The following S100A13 variants were observed in gnomAD, a reference collection of about 807,000 sequenced individuals.
S100A13 encodes protein S100-A13.
Under a neutral mutation model 8.2 loss-of-function variants are expected in S100A13, and 6 were observed. That is an observed-to-expected ratio of 0.73 (90% confidence interval 0.40 to 1.44). The LOEUF is 1.44. S100A13 is among the 40% of genes most tolerant of loss of function. The probability of loss-of-function intolerance (pLI) is 0.02; values close to 1 mark genes in which losing one functional copy is unlikely to be tolerated. For synonymous variants in S100A13, 39 were observed against 45.9 expected (o/e 0.85, Z 0.61); for missense variants, 114 against 113.6 (o/e 1.00, Z -0.02).
intron 2 of S100A13, among the ~76,000 whole-genome samples, chr1:153,621,159 A>ATTT (rs59588947): frequency 1.1e-4 from 16 of 142,676 alleles, no homozygotes; most frequent in African/African-American, 3.9e-4. Flanking sequence ...TATCTACAGG[A>ATTT]TTTTTTTTTT....
chr1:153,623,921 T>C (rs1667440184), intron 2 of S100A13, among the ~76,000 whole-genome samples: 2 of 152,160 alleles, frequency 1.3e-5, no homozygotes, highest in African/African-American at 4.8e-5. Context: ...GTGGATTAAC[T>C]GGGTTGAGAA....
chr1:153,628,513 A>T, upstream of S100A13: 3 of 1,550,464 alleles, frequency 1.9e-6, no homozygotes, highest in Non-Finnish European at 2.6e-6. Flanking sequence ...ACCCTGCCCC[A>T]CTGGGCTAGT....
chr1:153,626,302 T>A lies in S100A13; in HGVS notation c.153+18A>T. The A allele has an allele frequency of 6.2e-7, 1 of 1,612,418 alleles. No individual in the cohort carries two copies. Among genetic ancestry groups the A allele is most frequent in the Non-Finnish European group, 8.5e-7 (1 of 1,178,576 alleles). On this transcript the variant is annotated intron_variant, in intron 2 of 2. Coordinates refer to ENST00000476133, the MANE Select transcript of S100A13 (RefSeq NM_001024211.2). ...TAATCATCATCTCACAAAATCTCAG[T>A]CCCAGACTTCTGCCTACCTTGAGCA...
At chr1:153,632,087 G>A (rs993662190), upstream of S100A13, 139 of 523,524 alleles carry the variant, frequency 2.7e-4, no homozygotes, top group Non-Finnish European at 4.3e-4. Flanking sequence ...GAGACGTGAA[G>A]ACTGTTCACT....
chr1:153,628,608 C>T (rs550791128), upstream of S100A13: 4 of 1,463,220 alleles, frequency 2.7e-6, no homozygotes, highest in Non-Finnish European at 3.6e-6. Flanking sequence ...CACTGAGGAT[C>T]TGGGAGGAGT....
At chr1:153,620,140 A>G (rs2101543547) in intron 2 of S100A13, among the ~76,000 whole-genome samples, 1 of 152,214 alleles carries the variant, frequency 6.6e-6, no homozygotes, top group Admixed American at 6.5e-5. Context: ...TACAAAAATT[A>G]GCCAGATATG....
upstream of S100A13, chr1:153,633,845 T>C (rs1361585947): frequency 6.6e-6 from 1 of 152,222 alleles, no homozygotes. Context: ...GCGCAACCAC[T>C]ACTGGAACGT....
At position 153,626,446 on chromosome 1, in the gene S100A13, T is replaced by C; in HGVS notation, c.27A>G (p.Leu9=). The C allele has an allele frequency of 6.2e-7, 1 of 1,614,216 alleles. No homozygotes were observed. The highest frequency in any genetic ancestry group is 8.5e-7 in the Non-Finnish European group (1 of 1,180,032). ...TGACCACGGTCTCAATGGACTCCTCTAGCTCTGTCAGTGGTTCTGCTGCCA... is the reference window on the plus strand; with the variant it reads ...TGACCACGGTCTCAATGGACTCCTCCAGCTCTGTCAGTGGTTCTGCTGCCA... MAAEPLTE[L]EESIETVVTT... The change falls in exon 2 of 3, where the codon CTA becomes CTG. Residue 9 remains leucine, a synonymous_variant. Transcript: ENST00000476133.
upstream of S100A13, chr1:153,628,243 G>C (rs1553224713): frequency 6.5e-7 from 1 of 1,540,968 alleles, no homozygotes; most frequent in East Asian, 2.4e-5. Context: ...GCTGCCTGGA[G>C]AGAAAGGAAC....
At chr1:153,628,165 C>G (rs368134221), upstream of S100A13, 2,456 of 1,550,548 alleles carry the variant, frequency 1.6e-3, 11 homozygotes, top group Non-Finnish European at 1.2e-3. Flanking sequence ...CAAGGCCCAG[C>G]TTGGGGTAAG....
upstream of S100A13, chr1:153,631,557 G>C: frequency 6.2e-7 from 1 of 1,613,906 alleles, no homozygotes; most frequent in Admixed American, 1.7e-5. Context: ...CAAGACCTTT[G>C]AGGAGGCCTA....
At chr1:153,626,160 T>A (rs1667604453) in intron 2 of S100A13, among the ~76,000 whole-genome samples, 160 bp downstream of exon 2, 1 of 152,200 alleles carries the variant, frequency 6.6e-6, no homozygotes, top group Non-Finnish European at 1.5e-5. Context: ...AGAGTGAGAC[T>A]TTGTCTCGAA....
At chr1:153,630,627 G>A (rs144796295), upstream of S100A13, 185 of 1,614,122 alleles carry the variant, frequency 1.1e-4, no homozygotes, top group Non-Finnish European at 1.2e-4. Flanking sequence ...GGAGCTGAAA[G>A]AGCTGCTGCA....
At chr1:153,624,572 A>C (rs924843172) in intron 2 of S100A13, among the ~76,000 whole-genome samples, 1 of 151,314 alleles carries the variant, frequency 6.6e-6, no homozygotes, top group African/African-American at 2.4e-5. Context: ...AACCACAATC[A>C]CTGCTTGACA....
At position 153,626,533 on chromosome 1, in the gene S100A13, C is replaced by T. The variant is rs145866696; in HGVS notation, c.-61G>A. Reference sequence around the variant, plus strand: ...GCTAGCTGACCTTTGTCAGGGCTGACCTGTGGAAGAGAGAAGGAGCAGAGA... The same window carrying T: ...GCTAGCTGACCTTTGTCAGGGCTGATCTGTGGAAGAGAGAAGGAGCAGAGA... On this transcript the variant is annotated splice_region_variant and 5_prime_UTR_variant, in exon 2 of 3. Transcript: ENST00000476133. 4.7e-3 allele frequency: 7,408 copies of T among 1,565,866 alleles called. 32 individuals carry two copies. The highest frequency in any genetic ancestry group is 5.7e-3 in the Non-Finnish European group (6,537 of 1,141,808).
At chr1:153,623,023 G>C (rs1371724444) in intron 2 of S100A13, among the ~76,000 whole-genome samples, 1 of 152,096 alleles carries the variant, frequency 6.6e-6, no homozygotes, top group African/African-American at 2.4e-5. Flanking sequence ...GTAGGAGGTA[G>C]AGGCTGCAGT....
At chr1:153,634,146 A>C (rs1668208057), upstream of S100A13, 1 of 152,932 alleles carries the variant, frequency 6.5e-6, no homozygotes, top group Non-Finnish European at 1.5e-5. Flanking sequence ...AGGCCGGGTG[A>C]GCAGACGGAT....
chr1:153,623,123 G>T (rs796599051), intron 2 of S100A13, among the ~76,000 whole-genome samples: 3 of 152,252 alleles, frequency 2.0e-5, no homozygotes, highest in South Asian at 4.1e-4. Flanking sequence ...TTGTAAGCTG[G>T]TAAGAACGAT....
chr1:153,622,189 G>A lies in S100A13; in HGVS notation c.154-3151C>T, dbSNP rs575044194. 1.8e-3 allele frequency among the ~76,000 whole-genome samples: 279 copies of A among 151,838 alleles called. 1 individual carries two copies. The highest frequency in any genetic ancestry group is 3.4e-3 in the Non-Finnish European group (231 of 67,920). On this transcript the variant is annotated intron_variant, in intron 2 of 2. Coordinates refer to ENST00000476133, the MANE Select transcript of S100A13 (RefSeq NM_001024211.2). Reference sequence around the variant, plus strand: ...GTGCGAGACCAGCCTGGCCAACATGGCGAAACCTCGTCTCTACTAAAAATA... The same window carrying A: ...GTGCGAGACCAGCCTGGCCAACATGACGAAACCTCGTCTCTACTAAAAATA...
Sources: allele counts gnomAD v4.1 joint callset (sites outside exome capture counted in the v4.1 genomes callset), GRCh38; gene constraint gnomAD v4.1.1; transcripts MANE v1.5; gene names NCBI Gene and HGNC (gene_info 2026-07-23, HGNC 2026-07-21).